LRIG2: variants seen among roughly 807,000 people sequenced by gnomAD.
LRIG2 encodes the protein leucine-rich repeats and immunoglobulin-like domains protein 2.
Under a neutral mutation model 107.8 loss-of-function variants are expected in LRIG2, and 93 were observed. The observed-to-expected ratio is 0.86, with a 90% CI of 0.73 to 1.03. The LOEUF is 1.03. Among genes scored for constraint, LRIG2 ranks in the 50% least tolerant of loss-of-function variants. The pLI, the probability that LRIG2 is intolerant of heterozygous loss-of-function variation, is 0.00. For missense variants in LRIG2, 1,226 were observed against 1,296.0 expected (o/e 0.95, Z 0.83); for synonymous variants, 471 against 470.6 (o/e 1.00, Z -0.01).
rs184658953 is a variant in LRIG2, at chr1:113,080,410, C to T, written c.239+6765C>T. 2.3e-3 allele frequency among the ~76,000 whole-genome samples: 339 copies of T among 148,408 alleles called. 2 individuals are homozygous for T. The highest frequency in any genetic ancestry group is 8.1e-3 in the African/African-American group (327 of 40,262). On this transcript the variant is annotated intron_variant, in intron 1 of 17. Transcript: ENST00000361127. ...ATTTATTTTTTTGGAGACGGAGTCT[C>T]GCTCTGTTGCCCAGGCTGGAGTGCA...
rs962360232 is a variant in LRIG2, at chr1:113,117,913, T to G, written c.2681-1320T>G. Among the ~76,000 whole-genome samples, 89 of 151,674 alleles carry G rather than the reference T, an allele frequency of 5.9e-4. 1 individual carries two copies. The highest frequency in any genetic ancestry group is 2.0e-3 in the African/African-American group (83 of 41,440). ...TCTAACATTCTGTTGCATGATTTTT[T>G]TTTGTTTGTTTTTTGGTTTTTTTGA... On this transcript the variant is annotated intron_variant, in intron 16 of 17. Coordinates refer to ENST00000361127, the MANE Select transcript of LRIG2 (RefSeq NM_014813.3).
chr1:113,104,193 T>C (rs1411326683), intron 11 of LRIG2, among the ~76,000 whole-genome samples: 1 of 152,182 alleles, frequency 6.6e-6, no homozygotes, highest in Non-Finnish European at 1.5e-5. Context: ...CTTACCACCT[T>C]TAATGTTCCT....
chr1:113,108,391 T>C (rs1221351643), intron 12 of LRIG2, among the ~76,000 whole-genome samples: 1 of 151,294 alleles, frequency 6.6e-6, no homozygotes, highest in East Asian at 2.0e-4. Context: ...ACCTGGCTAA[T>C]TTTTGTATGT....
chr1:113,091,494 A>T, intron 2 of LRIG2, 111 bp downstream of exon 2: 1 of 627,678 alleles, frequency 1.6e-6, no homozygotes, highest in Admixed American at 3.4e-5. Flanking sequence ...TGAAGGAAAA[A>T]ATTAGTTAAA....
At chr1:113,075,803 C>G (rs1652952828) in intron 1 of LRIG2, among the ~76,000 whole-genome samples, 1 of 145,890 alleles carries the variant, frequency 6.9e-6, no homozygotes. Flanking sequence ...TCAAGCGATT[C>G]TCCTGCCTCA....
At chr1:113,120,859 C>T (rs1655222298) in intron 17 of LRIG2, among the ~76,000 whole-genome samples, 1 of 148,638 alleles carries the variant, frequency 6.7e-6, no homozygotes. Flanking sequence ...AGCCCTGTTG[C>T]CCAGGCTGGA....
intron 10 of LRIG2, 30 bp downstream of exon 10, chr1:113,100,312 C>G (rs1473593596): frequency 1.3e-6 from 2 of 1,548,128 alleles, no homozygotes; most frequent in African/African-American, 1.4e-5. Context: ...TTTGCTTACT[C>G]TATAAATAAT....
chr1:113,107,843 C>G, intron 12 of LRIG2, 86 bp downstream of exon 12: 1 of 1,218,470 alleles, frequency 8.2e-7, no homozygotes, highest in Non-Finnish European at 1.1e-6. Context: ...TGGTTTTCCA[C>G]TAGGAATTTT....
intron 1 of LRIG2, among the ~76,000 whole-genome samples, chr1:113,079,731 A>C (rs1373352006): frequency 2.7e-5 from 4 of 150,160 alleles, no homozygotes; most frequent in Admixed American, 6.7e-5. Context: ...GAGGGAAATC[A>C]GGAGAAATCT....
At chr1:113,109,842 A>G (rs1009152697) in intron 12 of LRIG2, among the ~76,000 whole-genome samples, 1 of 152,202 alleles carries the variant, frequency 6.6e-6, no homozygotes, top group Non-Finnish European at 1.5e-5. Context: ...TCTATCACAT[A>G]CATATATACA....
chr1:113,077,012 A>G (rs922118576), intron 1 of LRIG2, among the ~76,000 whole-genome samples: 3 of 152,194 alleles, frequency 2.0e-5, no homozygotes, highest in South Asian at 2.1e-4. Context: ...TGGTCATTTC[A>G]TGATAGTACC....
chr1:113,111,120 C>T (rs974554524), intron 13 of LRIG2, among the ~76,000 whole-genome samples: 4 of 152,034 alleles, frequency 2.6e-5, no homozygotes, highest in South Asian at 2.1e-4. Flanking sequence ...CTGCAAATTC[C>T]GCCTCCCAGG....
rs1241236510 is a variant in LRIG2 at position 113,106,733 on chromosome 1, G to T, written c.1314-861G>T. On this transcript the variant is annotated intron_variant, in intron 11 of 17. Transcript: ENST00000361127. ...TTGGCCAGGCTGGTCTGGAACTCCT[G>T]ACCACAGGTGATCCGCCCGCCTCTG... is the stretch of plus-strand genomic sequence containing the variant. 2.6e-5 allele frequency among the ~76,000 whole-genome samples: 4 copies of T among 152,242 alleles called. No individual in the cohort carries two copies. The East Asian group carries it at 7.7e-4, about 29-fold the overall frequency.
chr1:113,098,506 C>T lies in LRIG2; in HGVS notation c.1092-199C>T, dbSNP rs191820049. Among the ~76,000 whole-genome samples, 5 of 152,122 alleles carry T rather than the reference C, an allele frequency of 3.3e-5. No individual in the cohort carries two copies. In the East Asian group the frequency reaches 5.8e-4, roughly 18 times the overall value. ...GTTAGCTTATAAGAATCAGTTCTTA[C>T]GTGTTTATTACAGATATTTCTTACG... On this transcript the variant is annotated intron_variant, in intron 8 of 17. Transcript: ENST00000361127.
intron 12 of LRIG2, among the ~76,000 whole-genome samples, chr1:113,108,316 C>T (rs891583800): frequency 6.6e-6 from 1 of 151,034 alleles, no homozygotes; most frequent in African/African-American, 2.4e-5. Context: ...CTCTGCCTCC[C>T]GGGTTCAAGC....
intron 15 of LRIG2, among the ~76,000 whole-genome samples, 197 bp from the exon 16 acceptor site, chr1:113,116,090 T>A (rs548134906): frequency 6.6e-6 from 1 of 152,342 alleles, no homozygotes; most frequent in East Asian, 1.9e-4. Flanking sequence ...TTTCTTTCAA[T>A]GAAACTTTTA....
At position 113,112,607 on chromosome 1, in the gene LRIG2, T is replaced by C. The variant is rs760828039; in HGVS notation, c.1927T>C (p.Phe643Leu). Residue 643 changes from phenylalanine to leucine, a missense_variant, in exon 14 of 18, where the codon TTT becomes CTT. Around this residue, in one of 3 missense-constraint regions of LRIG2, gnomAD observed 642 missense variants for 712.2 expected, o/e 0.90. Transcript: ENST00000361127. ...CTGGCAGAAAGATGGTGGTACTGAC[T>C]TTCCTGCGGCTCGAGAAAGACGCAT... ...ISWQKDGGTD[F>L]PAARERRMHV... 1.2e-6 allele frequency: 2 copies of C among 1,614,186 alleles called. No homozygotes were observed. Among genetic ancestry groups the C allele is most frequent in the South Asian group, 2.2e-5 (2 of 91,082 alleles).
intron 1 of LRIG2, among the ~76,000 whole-genome samples, chr1:113,086,670 T>C (rs1009348990): frequency 4.6e-5 from 7 of 152,184 alleles, no homozygotes; most frequent in Admixed American, 4.6e-4. Context: ...ATCCTATAAA[T>C]AATTTACCCC....
At chr1:113,074,382 T>C (rs1362445411) in intron 1 of LRIG2, among the ~76,000 whole-genome samples, 4 of 152,214 alleles carry the variant, frequency 2.6e-5, no homozygotes, top group African/African-American at 9.6e-5. Flanking sequence ...GGTACAACGG[T>C]TGAATGAATT....
Sources: gnomAD v4.1 joint callset for allele counts (sites outside exome capture counted in the v4.1 genomes callset) on GRCh38, gnomAD v4.1.1 for gene constraint, gnomAD v4.1.1 regional missense constraint, MANE v1.5 for transcripts, NCBI Gene and HGNC (gene_info 2026-07-23, HGNC 2026-07-21) for gene names.